BIRC6: variants seen among roughly 807,000 people sequenced by gnomAD.
BIRC6 encodes the protein dual E2 ubiquitin-conjugating enzyme/E3 ubiquitin-protein ligase BIRC6.
In BIRC6, 98 loss-of-function variants were observed where a neutral mutation model predicts 503.3. The observed-to-expected ratio is 0.19, with a 90% CI of 0.17 to 0.23. The LOEUF (loss-of-function observed/expected upper bound fraction) is 0.23, where lower values mean the gene tolerates loss of function less well. BIRC6 is among the 10% of genes least tolerant of loss of function. BIRC6 has a pLI of 1.00. For missense variants in BIRC6, 5,360 were observed against 5,806.0 expected (o/e 0.92, Z 2.50); for synonymous variants, 2,240 against 2,078.7 (o/e 1.08, Z -2.11).
intron 65 of BIRC6, among the ~76,000 whole-genome samples, chr2:32,550,160 G>A (rs919104560): frequency 6.6e-6 from 1 of 151,930 alleles, no homozygotes; most frequent in Non-Finnish European, 1.5e-5. Flanking sequence ...TTTCAACTCT[G>A]TTTTACTCAT....
rs1391931635 is a variant in BIRC6, at chr2:32,463,219, A to G, written c.4779A>G (p.Ala1593=). The part of the protein sequence containing the change: ...DAMSSFGVTP[A]VGGLSSGTVG... Reference sequence around the variant, plus strand: ...TGAGTTCCTTCGGGGTTACTCCTGCAGTAGGTGGACTATCATCTGGGACAG... The same window carrying G: ...TGAGTTCCTTCGGGGTTACTCCTGCGGTAGGTGGACTATCATCTGGGACAG... Residue 1593 remains alanine (A), a synonymous_variant, in exon 24 of 74, where the codon GCA becomes GCG. Coordinates refer to ENST00000421745, the MANE Select transcript of BIRC6 (RefSeq NM_016252.4). The G allele has an allele frequency of 3.7e-6, 6 of 1,612,934 alleles. No individual in the cohort carries two copies. Among genetic ancestry groups the G allele is most frequent in the Non-Finnish European group, 5.1e-6 (6 of 1,179,516 alleles).
chr2:32,583,176 T>C (rs1406268440), intron 66 of BIRC6, among the ~76,000 whole-genome samples: 1 of 152,234 alleles, frequency 6.6e-6, no homozygotes, highest in Non-Finnish European at 1.5e-5. Context: ...AGTAACCTAT[T>C]GACACTGTAA....
chr2:32,370,656 T>C (rs2035795112), intron 1 of BIRC6, among the ~76,000 whole-genome samples: 1 of 152,194 alleles, frequency 6.6e-6, no homozygotes, highest in South Asian at 2.1e-4. Context: ...ATCAAAAGCT[T>C]TGTGAGAACC....
intron 72 of BIRC6, among the ~76,000 whole-genome samples, chr2:32,611,108 C>T (rs773487672): frequency 1.1e-4 from 14 of 126,176 alleles, no homozygotes; most frequent in Non-Finnish European, 2.0e-4. Context: ...ATTAAATTGC[C>T]TTTTTTTTTT....
intron 43 of BIRC6, among the ~76,000 whole-genome samples, chr2:32,491,020 C>G (rs1054801844): frequency 1.3e-5 from 2 of 152,114 alleles, no homozygotes; most frequent in Non-Finnish European, 2.9e-5. Flanking sequence ...CTGTATACAA[C>G]TAACATGCAA....
chr2:32,584,073 C>G (rs2151215328), intron 66 of BIRC6, among the ~76,000 whole-genome samples: 1 of 152,234 alleles, frequency 6.6e-6, no homozygotes, highest in East Asian at 1.9e-4. Context: ...TCATCTGTCA[C>G]TTAAAACCTA....
intron 6 of BIRC6, among the ~76,000 whole-genome samples, chr2:32,396,008 A>G (rs1348025392): frequency 1.3e-5 from 2 of 152,200 alleles, no homozygotes; most frequent in East Asian, 1.9e-4. Context: ...ATTTTAGTGC[A>G]TGAAATTTTA....
rs186410684 is a variant in BIRC6, at chr2:32,571,103, G to C, written c.13145-4053G>C. On this transcript the variant is annotated intron_variant, in intron 65 of 73. Coordinates refer to ENST00000421745, the MANE Select transcript of BIRC6 (RefSeq NM_016252.4). ...TGGGATTACAGGTGTGAACCACCAT[G>C]CCATTATTGTATTATCTTTTTGATG... 4.0e-3 allele frequency among the ~76,000 whole-genome samples: 613 copies of C among 152,118 alleles called. 2 individuals are homozygous for C. Among genetic ancestry groups the C allele is most frequent in the African/African-American group, 0.014 (590 of 41,500 alleles).
At position 32,468,558 on chromosome 2, in the gene BIRC6, A is replaced by C; in HGVS notation, c.5902A>C (p.Ser1968Arg). ...RKPDKAVEED[S>R]RVFSAYQDCI... ...ACCAGATAAGGCAGTTGAGGAAGAC[A>C]GTAGGGTTTTTTCTGCTTATCAAGA... The change falls in exon 29 of 74, where the codon AGT (serine) becomes CGT (arginine). Residue 1968 changes from serine to arginine, a missense_variant. Physicochemically the swap from Ser to Arg is moderately radical, Grantham distance 110. Coordinates refer to ENST00000421745, the MANE Select transcript of BIRC6 (RefSeq NM_016252.4). 2 of 1,614,026 alleles carry C rather than the reference A, an allele frequency of 1.2e-6. No individual in the cohort carries two copies. Among genetic ancestry groups the C allele is most frequent in the Non-Finnish European group, 1.7e-6 (2 of 1,179,892 alleles).
chr2:32,449,100 C>G, intron 22 of BIRC6, 172 bp downstream of exon 22: 1 of 573,602 alleles, frequency 1.7e-6, no homozygotes, highest in South Asian at 3.5e-5. Flanking sequence ...CTTCCTCTTT[C>G]CCTCTGAAGA....
chr2:32,530,855 G>A (rs1403114592), intron 60 of BIRC6, among the ~76,000 whole-genome samples: 1 of 152,082 alleles, frequency 6.6e-6, no homozygotes, highest in Admixed American at 6.6e-5. Context: ...GTTTTCTTTG[G>A]TGAGTAATTC....
At chr2:32,529,894 G>A (rs2056587119) in intron 60 of BIRC6, 70 bp downstream of exon 60, 7 of 950,078 alleles carry the variant, frequency 7.4e-6, no homozygotes, top group Non-Finnish European at 1.0e-5. Context: ...TATAGCTAAT[G>A]ACTTAATTGA....
At chr2:32,500,606 G>GTTTTTTTTTTTT (rs758919928) in intron 46 of BIRC6, among the ~76,000 whole-genome samples, 7 of 118,292 alleles carry the variant, frequency 5.9e-5, no homozygotes, top group Non-Finnish European at 8.5e-5. Context: ...TTTTGTTTTT[G>GTTTTTTTTTTTT]TTTTTTTTTT....
intron 34 of BIRC6, among the ~76,000 whole-genome samples, chr2:32,476,695 A>G (rs1295397848): frequency 6.6e-6 from 1 of 152,190 alleles, no homozygotes. Flanking sequence ...AGCCTCACAA[A>G]TAAAATGTAT....
intron 65 of BIRC6, chr2:32,563,689 A>G (rs952421212): frequency 2.6e-5 from 4 of 152,218 alleles, no homozygotes; most frequent in African/African-American, 9.6e-5. Flanking sequence ...TCACCCATTT[A>G]AAGTATACAA....
At chr2:32,438,003 G>A (rs968381785) in intron 15 of BIRC6, among the ~76,000 whole-genome samples, 2 of 152,052 alleles carry the variant, frequency 1.3e-5, no homozygotes, top group Admixed American at 6.6e-5. Context: ...TGTTGCCCAG[G>A]CTGGTCTCCA....
chr2:32,393,946 C>CTATATATA (rs10580859), intron 5 of BIRC6, among the ~76,000 whole-genome samples: 1 of 145,534 alleles, frequency 6.9e-6, no homozygotes. Context: ...AACCAGAAAA[C>CTATATATA]TATATATATA....
intron 66 of BIRC6, among the ~76,000 whole-genome samples, chr2:32,587,106 G>A (rs1455868758): frequency 2.0e-5 from 3 of 152,070 alleles, no homozygotes; most frequent in African/African-American, 7.2e-5. Context: ...TATTTTTAAG[G>A]GGCCGGACAT....
In BIRC6 at chr2:32,434,702, T is replaced by G. The variant is rs1052366646; in HGVS notation, c.3410-794T>G. Reference sequence around the variant, plus strand: ...GTCTACAAAATTTTTTTAAAAAAATTAGCTGGGTGTAGTGGTGCACACCTG... The same window carrying G: ...GTCTACAAAATTTTTTTAAAAAAATGAGCTGGGTGTAGTGGTGCACACCTG... On this transcript the variant is annotated intron_variant, in intron 13 of 73. Coordinates refer to ENST00000421745, the MANE Select transcript of BIRC6 (RefSeq NM_016252.4). Among the ~76,000 whole-genome samples the G allele has an allele frequency of 4.6e-5, 7 of 151,928 alleles. No individual in the cohort carries two copies. In the East Asian group the frequency reaches 1.4e-3, roughly 29 times the overall value.
Sources: allele counts gnomAD v4.1 joint callset (sites outside exome capture counted in the v4.1 genomes callset), GRCh38; gene constraint gnomAD v4.1.1; transcripts MANE v1.5; gene names NCBI Gene and HGNC (gene_info 2026-07-23, HGNC 2026-07-21).